The following ROBO2 variants were observed in gnomAD, a reference collection of about 807,000 sequenced individuals.
The protein encoded by ROBO2 is roundabout guidance receptor 2.
In ROBO2, 53 loss-of-function variants were observed where a neutral mutation model predicts 160.8. The observed-to-expected ratio is 0.33, with a 90% CI of 0.26 to 0.41. The LOEUF (loss-of-function observed/expected upper bound fraction) is 0.41, where lower values mean the gene tolerates loss of function less well. ROBO2 is among the 10% of genes least tolerant of loss of function. The probability of loss-of-function intolerance (pLI) is 1.00; values close to 1 mark genes in which losing one functional copy is unlikely to be tolerated. For missense variants in ROBO2, 1,577 were observed against 1,722.4 expected, an observed-to-expected ratio of 0.92 and a Z score of 1.49; for synonymous variants, 664 against 611.7, an observed-to-expected ratio of 1.09 and a Z score of -1.26.
intron 2 of ROBO2, among the ~76,000 whole-genome samples, chr3:76,203,847 G>T (rs1186252660): frequency 6.6e-6 from 1 of 152,194 alleles, no homozygotes; most frequent in Non-Finnish European, 1.5e-5. Context: ...CGGCTTCCCG[G>T]TCAACAGATG....
rs1330178090 is a variant in ROBO2 at position 76,435,386 on chromosome 3, T to C, written c.109+497784T>C. ...TTGAACAGTTCAAGACCCTACAGCA[T>C]GGGCAGAAGTTGGTCACCACAGTGA... is the stretch of plus-strand genomic sequence containing the variant. On this transcript the variant is annotated intron_variant, in intron 2 of 26. Transcript: ENST00000487694. The C allele has an allele frequency of 7.7e-6, 6 of 781,236 alleles. No homozygotes were observed. The Admixed American group carries it at 8.5e-5, about 11-fold the overall frequency. The allele number at this position is 781,236 out of a possible 1,614,324, so 48.4% of individuals were successfully genotyped here.
At chr3:76,347,736 C>T (rs2074614399) in intron 2 of ROBO2, among the ~76,000 whole-genome samples, 1 of 151,864 alleles carries the variant, frequency 6.6e-6, no homozygotes, top group South Asian at 2.1e-4. Context: ...CACAAAAAGG[C>T]AACAGAGAAA....
chr3:76,147,512 A>G (rs2071959984), intron 2 of ROBO2, among the ~76,000 whole-genome samples: 1 of 152,034 alleles, frequency 6.6e-6, no homozygotes, highest in African/African-American at 2.4e-5. Context: ...ACAGTTTCAG[A>G]GATTACTGTT....
At chr3:76,734,729 G>T (rs1324509581) in intron 2 of ROBO2, among the ~76,000 whole-genome samples, 1 of 152,088 alleles carries the variant, frequency 6.6e-6, no homozygotes, top group African/African-American at 2.4e-5. Flanking sequence ...ATTAACTAGG[G>T]ACTAGCATTT....
intron 2 of ROBO2, among the ~76,000 whole-genome samples, chr3:77,197,437 A>G (rs2082408680): frequency 6.6e-6 from 1 of 152,242 alleles, no homozygotes; most frequent in Admixed American, 6.5e-5. Context: ...AGGTAGGAGC[A>G]GAAAAGAGAC....
chr3:75,939,209 C>A (rs1263784876), intron 2 of ROBO2, among the ~76,000 whole-genome samples: 1 of 152,124 alleles, frequency 6.6e-6, no homozygotes, highest in Non-Finnish European at 1.5e-5. Context: ...TGCAGCATCA[C>A]AACTGTTTCT....
intron 2 of ROBO2, among the ~76,000 whole-genome samples, chr3:76,247,257 CTTTATT>C (rs1705676423): frequency 6.6e-6 from 1 of 152,036 alleles, no homozygotes; most frequent in Non-Finnish European, 1.5e-5. Context: ...TGCCACTTCA[CTTTATT>C]TTTATGGCCA....
intron 2 of ROBO2, among the ~76,000 whole-genome samples, chr3:76,133,041 A>G (rs958887905): frequency 4.6e-5 from 7 of 152,128 alleles, no homozygotes; most frequent in Non-Finnish European, 8.8e-5. Context: ...TCACTTTTCT[A>G]TATTTGTCAA....
chr3:76,552,122 TAAC>T (rs1236473753), intron 2 of ROBO2, among the ~76,000 whole-genome samples: 1 of 152,242 alleles, frequency 6.6e-6, no homozygotes, highest in East Asian at 1.9e-4. Context: ...TTAGACAGTA[TAAC>T]AACTATTTAC....
chr3:76,403,510 A>G lies in ROBO2; in HGVS notation c.109+465908A>G, dbSNP rs541112783. On this transcript the variant is annotated intron_variant, in intron 2 of 26. Coordinates refer to the ROBO2 transcript ENST00000487694. ...GCTTTCAGTATGATGAGACTGACCC[A>G]GACCAAGTTCTCCAAAATGCTATAT... 5.9e-5 allele frequency among the ~76,000 whole-genome samples: 9 copies of G among 151,720 alleles called. No homozygotes were observed. In the South Asian group the frequency reaches 1.7e-3, roughly 28 times the overall value.
At chr3:76,515,499 ATT>A (rs34049296) in intron 2 of ROBO2, among the ~76,000 whole-genome samples, 122 of 147,922 alleles carry the variant, frequency 8.2e-4, no homozygotes, top group Middle Eastern at 7.1e-3. Flanking sequence ...CCTGCAAGGT[ATT>A]TTTTTTTTTT....
chr3:76,787,703 G>A (rs183840), intron 2 of ROBO2, among the ~76,000 whole-genome samples: 25,289 of 151,278 alleles, frequency 0.17, 2,477 homozygotes, highest in Non-Finnish European at 0.22. Context: ...AGCCATTAGC[G>A]ATCAAGCTAG....
At chr3:77,204,306 C>CT (rs540469902) in intron 2 of ROBO2, among the ~76,000 whole-genome samples, 27 of 151,140 alleles carry the variant, frequency 1.8e-4, no homozygotes, top group South Asian at 1.1e-3. Context: ...AAATATGTTA[C>CT]TTTTTTTTTA....
chr3:76,627,531 A>G (rs1325642845), intron 2 of ROBO2, among the ~76,000 whole-genome samples: 1 of 152,272 alleles, frequency 6.6e-6, no homozygotes, highest in Non-Finnish European at 1.5e-5. Flanking sequence ...TCCCAGCAGT[A>G]CAAATTTATA....
chr3:76,464,109 A>C lies in ROBO2; in HGVS notation c.109+526507A>C, dbSNP rs566857465. Among the ~76,000 whole-genome samples, 4 of 152,244 alleles carry C rather than the reference A, an allele frequency of 2.6e-5. No individual in the cohort carries two copies. The East Asian group carries it at 7.8e-4, about 30-fold the overall frequency. On this transcript the variant is annotated intron_variant, in intron 2 of 26. Transcript: ENST00000487694. The stretch of plus-strand genomic sequence containing the variant: ...CGCATTTCACAGTCTGGTGCCTCTC[A>C]CTGTCCTAATCTAGTTATGAAGTAT...
chr3:76,660,559 T>A (rs569007679), intron 2 of ROBO2, among the ~76,000 whole-genome samples: 1 of 152,274 alleles, frequency 6.6e-6, no homozygotes, highest in East Asian at 1.9e-4. Context: ...CTGCACCAAA[T>A]AAAAACATTA....
chr3:76,689,255 C>G (rs1374810107), intron 2 of ROBO2, among the ~76,000 whole-genome samples: 1 of 151,872 alleles, frequency 6.6e-6, no homozygotes, highest in African/African-American at 2.4e-5. Context: ...TAAACATTTA[C>G]TTATTACTTA....
intron 2 of ROBO2, among the ~76,000 whole-genome samples, chr3:76,295,177 C>T (rs1576299059): frequency 1.3e-5 from 2 of 152,098 alleles, no homozygotes; most frequent in Non-Finnish European, 2.9e-5. Context: ...TAACATGACT[C>T]AGACATACTA....
At chr3:76,609,944 T>C (rs1204234831) in intron 2 of ROBO2, among the ~76,000 whole-genome samples, 1 of 152,198 alleles carries the variant, frequency 6.6e-6, no homozygotes, top group East Asian at 1.9e-4. Context: ...CTTTTCAGCA[T>C]CAATTGAAAT....
Sources: gnomAD v4.1 joint callset for allele counts (sites outside exome capture counted in the v4.1 genomes callset) on GRCh38, gnomAD v4.1.1 for gene constraint, MANE v1.5 for transcripts, NCBI Gene and HGNC (gene_info 2026-07-23, HGNC 2026-07-21) for gene names.